EDRF1: variants seen among roughly 807,000 people sequenced by gnomAD.
The protein encoded by EDRF1 is erythroid differentiation-related factor 1.
EDRF1 carries 69 observed loss-of-function variants against 148.7 expected under a neutral mutation model. That is an observed-to-expected ratio of 0.46 (90% CI 0.38 to 0.57). EDRF1 has a LOEUF of 0.57. Ranked by LOEUF, EDRF1 falls within the 20% of genes least tolerant of loss-of-function variation. The probability of loss-of-function intolerance (pLI) is 0.00; values close to 1 mark genes in which losing one functional copy is unlikely to be tolerated. For synonymous variants in EDRF1, 515 were observed against 532.8 expected, an observed-to-expected ratio of 0.97 and a Z score of 0.46; for missense variants, 1,118 against 1,478.7, an observed-to-expected ratio of 0.76 and a Z score of 4.00.
intron 24 of EDRF1, among the ~76,000 whole-genome samples, chr10:125,759,052 C>G (rs1308003520): frequency 1.3e-5 from 2 of 152,104 alleles, no homozygotes; most frequent in East Asian, 3.9e-4. Context: ...GGTTGCTGGT[C>G]CCTCCCATAG....
At chr10:125,721,059 C>A (rs777555809) in intron 1 of EDRF1, 145 bp from the exon 2 acceptor site, 33 of 777,944 alleles carry the variant, frequency 4.2e-5, no homozygotes, top group Non-Finnish European at 6.4e-5. Context: ...ACCATTTATG[C>A]TCAAATTTAT....
At chr10:125,740,079 A>C (rs566103550) in intron 15 of EDRF1, among the ~76,000 whole-genome samples, 2 of 152,322 alleles carry the variant, frequency 1.3e-5, no homozygotes, top group Admixed American at 1.3e-4. Context: ...GCAACTAGCT[A>C]AGTGGGGAGA....
At chr10:125,731,497 G>A (rs915784801) in intron 9 of EDRF1, among the ~76,000 whole-genome samples, 1 of 152,224 alleles carries the variant, frequency 6.6e-6, no homozygotes, top group African/African-American at 2.4e-5. Flanking sequence ...CAGGATTTAT[G>A]TAGCAGAATA....
At position 125,733,614 on chromosome 10, in the gene EDRF1, CTTCT is replaced by C. The variant is rs1220004351; in HGVS notation, c.1277-18_1277-15del. On this transcript the variant is annotated splice_polypyrimidine_tract_variant and intron_variant, in intron 10 of 24. Transcript: ENST00000356792. ...TTTGGGTAACTGCTGTGAAATGAGTCTTCTTTGTTTTTCTTTTCAGCAAGTGGCA... is the reference window on the plus strand; with the variant it reads ...TTTGGGTAACTGCTGTGAAATGAGTCTTGTTTTTCTTTTCAGCAAGTGGCA... 1.2e-6 allele frequency: 2 copies of C among 1,611,686 alleles called. No individual in the cohort carries two copies. The highest frequency in any genetic ancestry group is 2.7e-5 in the African/African-American group (2 of 74,822).
At chr10:125,753,562 G>A in intron 23 of EDRF1, 132 bp from the exon 24 acceptor site, 1 of 968,152 alleles carries the variant, frequency 1.0e-6, no homozygotes, top group South Asian at 1.3e-5. Context: ...TCATAGGTGT[G>A]CTTTTTGTTT....
chr10:125,735,654 C>G lies in EDRF1; in HGVS notation c.1508C>G (p.Ser503Cys). 6.2e-7 allele frequency: 1 copy of G among 1,612,732 alleles called. No homozygotes were observed. Among genetic ancestry groups the G allele is most frequent in the South Asian group, 1.1e-5 (1 of 90,996 alleles). Residue 503 changes from serine (S) to cysteine (C), a missense_variant, in exon 13 of 25, where the codon TCC becomes TGC. By Grantham distance (112) the Ser-to-Cys change is moderately radical. Transcript: ENST00000356792. Reference protein sequence around the residue: ...DKSRHPQIIASANYMLSELFQ... With the variant: ...DKSRHPQIIACANYMLSELFQ... ...TCTCTTTTTCATAAGATTATTGCTT[C>G]CGCCAATTACATGCTTTCAGAACTT...
At chr10:125,758,723 A>G (rs1589880128) in intron 24 of EDRF1, among the ~76,000 whole-genome samples, 1 of 151,616 alleles carries the variant, frequency 6.6e-6, no homozygotes, top group Non-Finnish European at 1.5e-5. Flanking sequence ...CTGTCTTTAT[A>G]CTCTCACAGT....
At chr10:125,722,313 C>T (rs1848046953) in intron 2 of EDRF1, among the ~76,000 whole-genome samples, 1 of 152,178 alleles carries the variant, frequency 6.6e-6, no homozygotes, top group Non-Finnish European at 1.5e-5. Flanking sequence ...TTAATTCTCA[C>T]AACAACTCTT....
intron 24 of EDRF1, among the ~76,000 whole-genome samples, chr10:125,755,517 G>A (rs915182027): frequency 6.6e-6 from 1 of 152,178 alleles, no homozygotes; most frequent in African/African-American, 2.4e-5. Context: ...CATAAAGTCT[G>A]TGGGTTCATG....
intron 12 of EDRF1, among the ~76,000 whole-genome samples, chr10:125,734,426 A>G (rs1848632242): frequency 6.6e-6 from 1 of 152,154 alleles, no homozygotes; most frequent in Non-Finnish European, 1.5e-5. Context: ...GTTGAAATGC[A>G]ATATTACATA....
At chr10:125,742,481 G>A in intron 17 of EDRF1, 2 of 1,029,430 alleles carry the variant, frequency 1.9e-6, no homozygotes, top group Non-Finnish European at 2.3e-6. Context: ...GGAAAAATGT[G>A]TTATTTTGTA....
At chr10:125,730,523 A>C in intron 9 of EDRF1, 124 bp downstream of exon 9, 1 of 757,768 alleles carries the variant, frequency 1.3e-6, no homozygotes, top group Admixed American at 1.9e-5. Context: ...GCTGTGAATA[A>C]ACTGAATTTG....
rs766195099 is a variant in EDRF1, at chr10:125,747,527, C to T, written c.2815-9C>T. On this transcript the variant is annotated splice_polypyrimidine_tract_variant and intron_variant, in intron 19 of 24. Transcript: ENST00000356792. ...GAGTCAGAAATGTACACTGTTTTCT[C>T]CTTTGCAGGCTATTGATTACTATTT... 1.2e-6 allele frequency: 2 copies of T among 1,614,072 alleles called. No homozygotes were observed. The highest frequency in any genetic ancestry group is 1.7e-5 in the Admixed American group (1 of 60,018).
chr10:125,723,721 T>C, intron 3 of EDRF1, 90 bp from the exon 4 acceptor site: 1 of 1,336,824 alleles, frequency 7.5e-7, no homozygotes, highest in Non-Finnish European at 1.1e-6. Context: ...AGGTTTATTA[T>C]GCTTTAAAAT....
chr10:125,753,962 T>G (rs1250627255), intron 24 of EDRF1, 117 bp downstream of exon 24: 1 of 1,138,854 alleles, frequency 8.8e-7, no homozygotes, highest in East Asian at 2.5e-5. Context: ...ACACCTGCAA[T>G]CCCAGCACTT....
chr10:125,728,327 A>G (rs116509891), intron 6 of EDRF1, among the ~76,000 whole-genome samples: 2,763 of 152,232 alleles, frequency 0.018, 85 homozygotes, highest in African/African-American at 0.063. Context: ...TTATATATTT[A>G]TTGTTTTAAT....
At position 125,733,410 on chromosome 10, in the gene EDRF1, G is replaced by A. The variant is rs967475911; in HGVS notation, c.1135G>A (p.Glu379Lys). ...FHVNGIVQKY[E>K]MIKTEEIPNL... ...ATCTGTCTGTATTTTACAGAAATAT[G>A]AAATGATAAAGACAGAAGAAATTCC... Residue 379 changes from glutamate to lysine, a missense_variant, in exon 10 of 25, where the codon GAA becomes AAA. This residue lies in a region of EDRF1 where 954 missense variants were observed against 1,241.4 expected (regional missense o/e 0.77). Transcript: ENST00000356792. The A allele has an allele frequency of 2.5e-6, 4 of 1,571,520 alleles. No individual in the cohort carries two copies. The highest frequency in any genetic ancestry group is 2.7e-5 in the African/African-American group (2 of 74,064).
intron 9 of EDRF1, among the ~76,000 whole-genome samples, chr10:125,732,676 G>A (rs992341127): frequency 2.6e-5 from 4 of 152,180 alleles, no homozygotes; most frequent in African/African-American, 9.6e-5. Context: ...CATGAACAAA[G>A]TGGGGTGAAA....
At chr10:125,725,201 G>T in intron 4 of EDRF1, 117 bp from the exon 5 acceptor site, 1 of 1,210,140 alleles carries the variant, frequency 8.3e-7, no homozygotes, top group Non-Finnish European at 1.2e-6. Context: ...TTTTTAATGA[G>T]TATGTGTTTA....
Sources: gnomAD v4.1 joint callset for allele counts (sites outside exome capture counted in the v4.1 genomes callset) on GRCh38, gnomAD v4.1.1 for gene constraint, gnomAD v4.1.1 regional missense constraint, MANE v1.5 for transcripts, NCBI Gene and HGNC (gene_info 2026-07-23, HGNC 2026-07-21) for gene names.